GANC: variants seen among roughly 807,000 people sequenced by gnomAD.
GANC encodes the protein neutral alpha-glucosidase C.
In GANC, 117 loss-of-function variants were observed where a neutral mutation model predicts 124.2. That is an observed-to-expected ratio of 0.94 (90% CI 0.81 to 1.10). The LOEUF (loss-of-function observed/expected upper bound fraction) is 1.10, where lower values mean the gene tolerates loss of function less well. Among genes scored for constraint, GANC ranks in the 50% least tolerant of loss-of-function variants. The probability of loss-of-function intolerance (pLI) is 0.00; values close to 1 mark genes in which losing one functional copy is unlikely to be tolerated. For synonymous variants in GANC, 377 were observed against 376.8 expected (o/e 1.00, Z -0.01); for missense variants, 1,140 against 1,095.0 (o/e 1.04, Z -0.58).
At chr15:42,296,463 T>G (rs2051892215) in intron 5 of GANC, among the ~76,000 whole-genome samples, 1 of 152,286 alleles carries the variant, frequency 6.6e-6, no homozygotes, top group South Asian at 2.1e-4. Flanking sequence ...CTCAGCTCAC[T>G]GCAACCTCCG....
At chr15:42,337,997 G>A (rs547106794) in intron 15 of GANC, among the ~76,000 whole-genome samples, 126 of 152,218 alleles carry the variant, frequency 8.3e-4, no homozygotes, top group African/African-American at 2.9e-3. Flanking sequence ...GGGAGGCAAA[G>A]GTTGCAGTGA....
chr15:42,320,649 G>A (rs1016847983), intron 10 of GANC, among the ~76,000 whole-genome samples: 5 of 151,234 alleles, frequency 3.3e-5, no homozygotes, highest in Non-Finnish European at 5.9e-5. Context: ...GGGTTTCACC[G>A]TGTTGGCCAG....
At chr15:42,349,690 C>T (rs1041973555) in intron 22 of GANC, among the ~76,000 whole-genome samples, 195 bp downstream of exon 22, 1 of 151,946 alleles carries the variant, frequency 6.6e-6, no homozygotes, top group African/African-American at 2.4e-5. Flanking sequence ...CTCTGTCGCT[C>T]AGACTAGAGT....
At chr15:42,340,065 C>T (rs535712591) in intron 17 of GANC, among the ~76,000 whole-genome samples, 153 bp downstream of exon 17, 16 of 152,234 alleles carry the variant, frequency 1.1e-4, no homozygotes, top group Middle Eastern at 3.4e-3. Flanking sequence ...TTGAGCAGCG[C>T]GGTGAACAGG....
intron 10 of GANC, chr15:42,314,186 G>T: frequency 1.3e-6 from 1 of 760,154 alleles, no homozygotes; most frequent in South Asian, 1.4e-5. Context: ...TGGACAAGTT[G>T]GCCAGAAAAT....
At chr15:42,298,998 T>G (rs2051918726) in intron 6 of GANC, among the ~76,000 whole-genome samples, 1 of 152,218 alleles carries the variant, frequency 6.6e-6, no homozygotes, top group African/African-American at 2.4e-5. Flanking sequence ...TAAAATCATG[T>G]CGTCTACAAA....
rs1421857043 is a variant in GANC, at chr15:42,292,737, T to C, written c.332T>C (p.Leu111Pro). 18 of 1,612,870 alleles carry C rather than the reference T, an allele frequency of 1.1e-5. No homozygotes were observed. Among genetic ancestry groups the C allele is most frequent in the Non-Finnish European group, 1.4e-5 (17 of 1,179,218 alleles). ...VLTSKPSTVR[L>P]ISCSGDTGSL... ...TCTCTTCCTGTTTTGTTTTCTAGGC[T>C]GATTTCATGCTCTGGGGACACAGGC... The change falls in exon 5 of 24, where the codon CTG (leucine) becomes CCG (proline). Residue 111 changes from leucine (L) to proline (P), a missense_variant and splice_region_variant. Transcript: ENST00000318010.
chr15:42,352,866 C>A lies in GANC; in HGVS notation c.*727C>A. On this transcript the variant is annotated 3_prime_UTR_variant, in exon 24 of 24. Coordinates refer to ENST00000318010, the MANE Select transcript of GANC (RefSeq NM_198141.3). ...ACAATGAAATAAATACCCATGTACCCACCACTGGACTTCAGAAGTAGAACT... is the reference window on the plus strand; with the variant it reads ...ACAATGAAATAAATACCCATGTACCAACCACTGGACTTCAGAAGTAGAACT... 2.0e-6 allele frequency: 1 copy of A among 491,808 alleles called. No individual in the cohort carries two copies. The highest frequency in any genetic ancestry group is 2.6e-6 in the Non-Finnish European group (1 of 378,920). 30.5% of individuals were successfully genotyped at this position (491,808 alleles called of 1,614,324 possible). A position where few individuals can be genotyped will look rare whatever the true frequency, so the allele number is the denominator to read the frequency against.
rs1307110086 is a variant in GANC, at chr15:42,287,457, T to G, written c.202-234T>G. Among the ~76,000 whole-genome samples the G allele has an allele frequency of 2.0e-5, 3 of 152,184 alleles. No homozygotes were observed. In the South Asian group the frequency reaches 6.2e-4, roughly 32 times the overall value. On this transcript the variant is annotated intron_variant, in intron 3 of 23. Coordinates refer to ENST00000318010, the MANE Select transcript of GANC (RefSeq NM_198141.3). ...CACTCTGAAGATCCTGGTTTGACAA[T>G]TTTATGTTCACCTAGCCACAGAACA...
intron 11 of GANC, among the ~76,000 whole-genome samples, chr15:42,323,438 T>C (rs1280148590): frequency 6.6e-6 from 1 of 152,160 alleles, no homozygotes; most frequent in South Asian, 2.1e-4. Context: ...AAAGAGAAGA[T>C]TGTATCCTCA....
At chr15:42,293,038 T>C in intron 5 of GANC, 121 bp downstream of exon 5, 1 of 901,186 alleles carries the variant, frequency 1.1e-6, no homozygotes, top group Non-Finnish European at 1.7e-6. Flanking sequence ...GCTCTAGTAT[T>C]GTTCTGAGAA....
At chr15:42,310,614 T>C (rs1468223339) in intron 9 of GANC, 79 bp from the exon 10 acceptor site, 13 of 1,544,384 alleles carry the variant, frequency 8.4e-6, no homozygotes, top group Non-Finnish European at 9.7e-6. Flanking sequence ...TACTAAAGGA[T>C]CAGACTGTTA....
chr15:42,304,682 G>A (rs1310855404), intron 6 of GANC, among the ~76,000 whole-genome samples: 1 of 152,196 alleles, frequency 6.6e-6, no homozygotes, highest in Non-Finnish European at 1.5e-5. Flanking sequence ...AAAGAACAAA[G>A]CTGGAGTTAT....
intron 3 of GANC, among the ~76,000 whole-genome samples, chr15:42,287,218 C>G (rs999775349): frequency 6.6e-6 from 1 of 152,204 alleles, no homozygotes; most frequent in South Asian, 2.1e-4. Flanking sequence ...CTCCAATGAT[C>G]ATCATTTTAT....
In GANC at chr15:42,326,425, G is replaced by T; in HGVS notation, c.1420+1G>T. 6.2e-7 allele frequency: 1 copy of T among 1,613,892 alleles called. No homozygotes were observed. Among genetic ancestry groups the T allele is most frequent in the Non-Finnish European group, 8.5e-7 (1 of 1,179,858 alleles). ...GACTTTGAAGGGGTGTGTTGGCCAG[G>T]TATGAAATCACTTTATACACTTATT... On this transcript the variant is annotated splice_donor_variant, in intron 12 of 23. Transcript: ENST00000318010. LOFTEE classifies it high-confidence loss of function.
At position 42,338,524 on chromosome 15, in the gene GANC, G is replaced by A. The variant is rs201261483; in HGVS notation, c.1843+34G>A. 4.9e-3 allele frequency: 7,118 copies of A among 1,448,766 alleles called. 35 individuals are homozygous for A. The highest frequency in any genetic ancestry group is 5.8e-3 in the Non-Finnish European group (5,980 of 1,030,764). The allele number at this position is 1,448,766 out of a possible 1,614,324, so 89.7% of individuals were successfully genotyped here. ...AGTCCTTTGAGGCTTGAAGTGCAAG[G>A]AAATAAAAAATGAGGGTGTTTTCAT... is the stretch of plus-strand genomic sequence containing the variant. On this transcript the variant is annotated intron_variant, in intron 16 of 23. Coordinates refer to ENST00000318010, the MANE Select transcript of GANC (RefSeq NM_198141.3).
At chr15:42,317,268 A>T (rs891775668) in intron 10 of GANC, among the ~76,000 whole-genome samples, 3 of 148,980 alleles carry the variant, frequency 2.0e-5, no homozygotes, top group Non-Finnish European at 4.4e-5. Context: ...ACATGCTGCA[A>T]CATGGATGAA....
In GANC at chr15:42,339,838, A is replaced by G; in HGVS notation, c.2013A>G (p.Arg671=). 1 of 1,614,150 alleles carries G rather than the reference A, an allele frequency of 6.2e-7. No individual in the cohort carries two copies. Among genetic ancestry groups the G allele is most frequent in the East Asian group, 2.2e-5 (1 of 44,866 alleles). The stretch of plus-strand genomic sequence containing the variant: ...CCCGACTCATCCGAGAAGCCATCAG[A>G]GAGCGCTATGGCCTCCTGCCATATT... ...EHTRLIREAI[R]ERYGLLPYWY... is the part of the protein sequence containing the mutation. Residue 671 remains arginine, a synonymous_variant, in exon 17 of 24, where the codon AGA becomes AGG. Coordinates refer to ENST00000318010, the MANE Select transcript of GANC (RefSeq NM_198141.3).
At chr15:42,288,388 T>C (rs1003498753) in intron 4 of GANC, among the ~76,000 whole-genome samples, 3 of 152,210 alleles carry the variant, frequency 2.0e-5, no homozygotes, top group African/African-American at 7.2e-5. Context: ...CCTGCAAAAC[T>C]TTAATCTCTT....
Sources: allele counts gnomAD v4.1 joint callset (sites outside exome capture counted in the v4.1 genomes callset), GRCh38; gene constraint gnomAD v4.1.1; transcripts MANE v1.5; gene names NCBI Gene and HGNC (gene_info 2026-07-23, HGNC 2026-07-21).